The following CELSR1 variants were observed in gnomAD, a reference collection of about 807,000 sequenced individuals.
The protein encoded by CELSR1 is cadherin EGF LAG seven-pass G-type receptor 1, also known as adhesion G protein-coupled receptor C1.
Under a neutral mutation model 249.1 loss-of-function variants are expected in CELSR1, and 110 were observed. The ratio of observed to expected loss-of-function variants is 0.44; its 90% CI spans 0.38 to 0.52. The LOEUF (loss-of-function observed/expected upper bound fraction) is 0.52, where lower values mean the gene tolerates loss of function less well. Ranked by LOEUF, CELSR1 falls within the 20% of genes least tolerant of loss-of-function variation. CELSR1 has a pLI of 0.00. For synonymous variants in CELSR1, 2,113 were observed against 1,900.0 expected (o/e 1.11, Z -2.92); for missense variants, 4,109 against 4,296.4 (o/e 0.96, Z 1.22).
Position 46,390,506 on chromosome 22 carries a change from G to A in CELSR1, c.6251-20C>T. On this transcript the variant is annotated intron_variant, in intron 16 of 34. Coordinates refer to ENST00000674500, the MANE Select transcript of CELSR1 (RefSeq NM_001378328.1). The surrounding 1 kb of genome is among the most constrained non-coding windows in gnomAD (Gnocchi z 6.3). ...CATTTCCTGGGGAAGGAGAGCAGGT[G>A]TGCAAAGCCTGAAACTCAAACTGTT... 1 of 1,594,602 alleles carries A rather than the reference G, an allele frequency of 6.3e-7. No individual in the cohort carries two copies. The highest frequency in any genetic ancestry group is 8.6e-7 in the Non-Finnish European group (1 of 1,164,070).
At chr22:46,476,874 G>T (rs979079407) in intron 1 of CELSR1, among the ~76,000 whole-genome samples, 1 of 151,940 alleles carries the variant, frequency 6.6e-6, no homozygotes, top group African/African-American at 2.4e-5. Context: ...CATCGTGAAT[G>T]TAACAAATGC....
In CELSR1 at chr22:46,535,806, G is replaced by A. The variant is rs775015585; in HGVS notation, c.1365C>T (p.Asn455=). The A allele has an allele frequency of 3.1e-6, 5 of 1,611,456 alleles. 1 individual carries two copies. The highest frequency in any genetic ancestry group is 1.6e-4 in the Middle Eastern group (1 of 6,062). ...VYIEVEDEND[N]YPQFSEQNYV... Reference sequence around the variant, plus strand: ...AGTTCTGCTCGCTGAACTGGGGGTAGTTGTCGTTCTCGTCCTCCACCTCGA... The same window carrying A: ...AGTTCTGCTCGCTGAACTGGGGGTAATTGTCGTTCTCGTCCTCCACCTCGA... The change falls in exon 1 of 35, where the codon AAC becomes AAT. Residue 455 remains asparagine, a synonymous_variant. Coordinates refer to ENST00000674500, the MANE Select transcript of CELSR1 (RefSeq NM_001378328.1).
At chr22:46,384,837 T>A in intron 19 of CELSR1, 151 bp from the exon 20 acceptor site, 2 of 811,736 alleles carry the variant, frequency 2.5e-6, no homozygotes, top group Non-Finnish European at 3.6e-6. Flanking sequence ...TCTCCCAGGC[T>A]GGAGTGCAGT....
intron 2 of CELSR1, among the ~76,000 whole-genome samples, chr22:46,455,380 C>G (rs1035814454): frequency 5.9e-5 from 9 of 152,182 alleles, no homozygotes; most frequent in Admixed American, 3.9e-4. Flanking sequence ...CAGGTGCCTG[C>G]CACCGCGCCT....
chr22:46,366,367 C>T lies in CELSR1; in HGVS notation c.8300+19G>A, dbSNP rs992067594. 4 of 1,526,872 alleles carry T rather than the reference C, an allele frequency of 2.6e-6. No individual in the cohort carries two copies. The African/African-American group carries it at 5.5e-5, about 21-fold the overall frequency. The allele number at this position is 1,526,872 out of a possible 1,614,324, so 94.6% of individuals were successfully genotyped here. A position where few individuals can be genotyped will look rare whatever the true frequency, so the allele number is the denominator to read the frequency against. On this transcript the variant is annotated intron_variant, in intron 30 of 34. Coordinates refer to ENST00000674500, the MANE Select transcript of CELSR1 (RefSeq NM_001378328.1). ...GGAGTTCGAGAGCCACCTCCCCGAA[C>T]CCGGAGCTGCGGCCTGACCTGACGA...
In CELSR1 at chr22:46,408,577, C is replaced by T. The variant is rs1031028227; in HGVS notation, c.5226+419G>A. ...CTCGAACTTCTGACCTCAGGTGATC[C>T]GCCGGCCTCCGCCACCCAAAGTGTT... On this transcript the variant is annotated intron_variant, in intron 9 of 34. Coordinates refer to ENST00000674500, the MANE Select transcript of CELSR1 (RefSeq NM_001378328.1). This position sits in a 1 kb window ranked among gnomAD's most constrained non-coding sequence, Gnocchi z 4.6. Among the ~76,000 whole-genome samples the T allele has an allele frequency of 1.3e-5, 2 of 152,172 alleles. No individual in the cohort carries two copies. Among genetic ancestry groups the T allele is most frequent in the African/African-American group, 2.4e-5 (1 of 41,426 alleles).
rs149996289 is a variant in CELSR1, at chr22:46,510,170, G to T, written c.3544+23457C>A. Among the ~76,000 whole-genome samples, 94 of 152,338 alleles carry T rather than the reference G, an allele frequency of 6.2e-4. 1 individual carries two copies. The East Asian group carries it at 0.017, about 27-fold the overall frequency. ...GCGTCTGTCTCTCACCCATTTAGGTGAAGTAATAATAACAGCTAAGGTCTT... is the reference window on the plus strand; with the variant it reads ...GCGTCTGTCTCTCACCCATTTAGGTTAAGTAATAATAACAGCTAAGGTCTT... On this transcript the variant is annotated intron_variant, in intron 1 of 34. Transcript: ENST00000674500.
intron 1 of CELSR1, among the ~76,000 whole-genome samples, chr22:46,495,688 C>T (rs1484920350): frequency 6.6e-6 from 1 of 151,988 alleles, no homozygotes; most frequent in Non-Finnish European, 1.5e-5. Flanking sequence ...TGGTGGTGGG[C>T]GCCTATAGTC....
chr22:46,450,324 CAT>C (rs2079869083), intron 2 of CELSR1, among the ~76,000 whole-genome samples: 2 of 152,258 alleles, frequency 1.3e-5, no homozygotes, highest in Non-Finnish European at 2.9e-5. Flanking sequence ...GGCAGGCTGA[CAT>C]AGAGATGGAG....
Position 46,369,711 on chromosome 22 carries a change from G to C in CELSR1, c.7853C>G (p.Pro2618Arg). The change falls in exon 26 of 35, where the codon CCC becomes CGC. Residue 2618 changes from proline (P) to arginine (R), a missense_variant. Physicochemically the swap from Pro to Arg is moderately radical, Grantham distance 103. This residue lies in a region of CELSR1 where 1,805 missense variants were observed against 1,831.6 expected (regional missense o/e 0.99). Coordinates refer to ENST00000674500, the MANE Select transcript of CELSR1 (RefSeq NM_001378328.1). ...ACTCACGATTATAACAGCTCCGATGGGCCCCGCAAAGCTCCAAATCAGGGT... is the reference window on the plus strand; with the variant it reads ...ACTCACGATTATAACAGCTCCGATGCGCCCCGCAAAGCTCCAAATCAGGGT... ...QDTLIWSFAG[P>R]IGAVIIINTV... 6.2e-7 allele frequency: 1 copy of C among 1,613,490 alleles called. No individual in the cohort carries two copies. Among genetic ancestry groups the C allele is most frequent in the Non-Finnish European group, 8.5e-7 (1 of 1,179,954 alleles).
At chr22:46,516,949 G>A (rs777125619) in intron 1 of CELSR1, among the ~76,000 whole-genome samples, 25 of 152,142 alleles carry the variant, frequency 1.6e-4, no homozygotes, top group Non-Finnish European at 2.9e-4. Flanking sequence ...CCAGTGTCAC[G>A]GCTGGCAAAG....
chr22:46,462,443 C>T (rs552414714), intron 2 of CELSR1, among the ~76,000 whole-genome samples: 19 of 152,314 alleles, frequency 1.2e-4, no homozygotes, highest in Admixed American at 2.6e-4. Context: ...TGCTCCCCTG[C>T]GCTCTTCCTG....
In CELSR1 at chr22:46,406,734, T is replaced by G. The variant is rs145729941; in HGVS notation, c.5226+2262A>C. Among the ~76,000 whole-genome samples, 131 of 152,312 alleles carry G rather than the reference T, an allele frequency of 8.6e-4. No individual in the cohort carries two copies. The highest frequency in any genetic ancestry group is 3.4e-3 in the Middle Eastern group (1 of 294). The stretch of plus-strand genomic sequence containing the variant: ...GGCAGGAAAAGAACCATAGGGTCCC[T>G]AGTGAAGAGCCTCTACGCCTCAGTT... On this transcript the variant is annotated intron_variant, in intron 9 of 34. Transcript: ENST00000674500. This position sits in a 1 kb window ranked among gnomAD's most constrained non-coding sequence, Gnocchi z 5.4.
At chr22:46,531,600 C>A (rs557069407) in intron 1 of CELSR1, among the ~76,000 whole-genome samples, 1 of 152,204 alleles carries the variant, frequency 6.6e-6, no homozygotes, top group African/African-American at 2.4e-5. Context: ...GAGGGGAATG[C>A]GAAGAGCGGG....
rs1422308952 is a variant in CELSR1, at chr22:46,487,452, G to GA, written c.3545-23108dup. Among the ~76,000 whole-genome samples the GA allele has an allele frequency of 4.2e-5, 6 of 143,138 alleles. No homozygotes were observed. In the South Asian group the frequency reaches 7.1e-4, roughly 17 times the overall value. The allele number at this position is 143,138 out of a possible 152,430, so 93.9% of individuals were successfully genotyped here. ...GCTGAGATCTAGGGATGCCAAGAGGGAAAACCACAGTCCTGCCCTCAAGGT... is the reference window on the plus strand; with the variant it reads ...GCTGAGATCTAGGGATGCCAAGAGGGAAAAACCACAGTCCTGCCCTCAAGGT... On this transcript the variant is annotated intron_variant, in intron 1 of 34. Coordinates refer to ENST00000674500, the MANE Select transcript of CELSR1 (RefSeq NM_001378328.1).
At chr22:46,369,094 A>C (rs2078820639) in intron 27 of CELSR1, 85 bp downstream of exon 27, 1 of 1,353,566 alleles carries the variant, frequency 7.4e-7, no homozygotes, top group East Asian at 2.3e-5. Flanking sequence ...ACACGCTCTC[A>C]TGGGGCCCCA....
intron 25 of CELSR1, among the ~76,000 whole-genome samples, chr22:46,370,924 C>A (rs1005482418): frequency 8.5e-5 from 13 of 152,344 alleles, no homozygotes; most frequent in Admixed American, 7.8e-4. Context: ...AAGTAGGAAA[C>A]GTGAACTATC....
intron 18 of CELSR1, among the ~76,000 whole-genome samples, chr22:46,387,440 GC>G (rs2079044461): frequency 6.6e-6 from 1 of 152,070 alleles, no homozygotes; most frequent in Non-Finnish European, 1.5e-5. Flanking sequence ...GAGTGCAGTG[GC>G]ACAGTCTTGG....
intron 2 of CELSR1, among the ~76,000 whole-genome samples, chr22:46,442,079 C>A (rs1488634665): frequency 2.6e-5 from 4 of 152,152 alleles, no homozygotes; most frequent in Non-Finnish European, 5.9e-5. Flanking sequence ...ATCTGGGCAG[C>A]CGAGGTTGCA....
Sources: allele counts gnomAD v4.1 joint callset (sites outside exome capture counted in the v4.1 genomes callset), GRCh38; gene constraint gnomAD v4.1.1; regional missense constraint gnomAD v4.1.1; non-coding constraint Gnocchi (gnomAD v3.1); transcripts MANE v1.5; gene names NCBI Gene and HGNC (gene_info 2026-07-23, HGNC 2026-07-21).